DOCK5: variants seen among roughly 807,000 people sequenced by gnomAD.
DOCK5 encodes the protein dedicator of cytokinesis protein 5.
A neutral mutation model predicts 251.8 loss-of-function variants in DOCK5; 142 were observed. The ratio of observed to expected loss-of-function variants is 0.56; its 90% CI spans 0.49 to 0.65. The LOEUF (loss-of-function observed/expected upper bound fraction) is 0.65. DOCK5 is among the 30% of genes least tolerant of loss of function. The probability of loss-of-function intolerance (pLI) is 0.00; values close to 1 mark genes in which losing one functional copy is unlikely to be tolerated. For synonymous variants in DOCK5, 842 were observed against 835.5 expected (o/e 1.01, Z -0.13); for missense variants, 2,111 against 2,312.3 (o/e 0.91, Z 1.79).
intron 13 of DOCK5, among the ~76,000 whole-genome samples, chr8:25,311,141 G>A (rs1805082027): frequency 6.6e-6 from 1 of 152,192 alleles, no homozygotes; most frequent in Non-Finnish European, 1.5e-5. Flanking sequence ...GGAATTTGCT[G>A]ACTTCGCCCA....
chr8:25,270,804 G>C (rs1377129127), intron 3 of DOCK5: 1 of 713,126 alleles, frequency 1.4e-6, no homozygotes, highest in Non-Finnish European at 2.6e-6. Flanking sequence ...TTGGTTCCAG[G>C]ACCCCCACAA....
At chr8:25,401,292 T>C (rs1801434535) in intron 47 of DOCK5, among the ~76,000 whole-genome samples, 1 of 152,152 alleles carries the variant, frequency 6.6e-6, no homozygotes, top group Non-Finnish European at 1.5e-5. Flanking sequence ...CCAGAGCGCC[T>C]GTGAAAATAC....
intron 2 of DOCK5, among the ~76,000 whole-genome samples, chr8:25,252,833 T>C (rs1803307078): frequency 6.6e-6 from 1 of 152,178 alleles, no homozygotes; most frequent in South Asian, 2.1e-4. Flanking sequence ...TAAAATTCCA[T>C]CTTTATTTAT....
At chr8:25,287,477 G>A (rs1283206340) in intron 5 of DOCK5, among the ~76,000 whole-genome samples, 1 of 151,980 alleles carries the variant, frequency 6.6e-6, no homozygotes, top group East Asian at 1.9e-4. Context: ...GAGGCTTCAG[G>A]TATCTCCGTA....
At chr8:25,331,186 A>G (rs1274544266) in intron 18 of DOCK5, among the ~76,000 whole-genome samples, 1 of 151,878 alleles carries the variant, frequency 6.6e-6, no homozygotes, top group African/African-American at 2.4e-5. Flanking sequence ...GTACTAAACT[A>G]GGTGATAATA....
Position 25,310,485 on chromosome 8 carries a change from C to T in DOCK5, c.1271C>T (p.Ser424Leu), listed in dbSNP as rs1381191706. The T allele has an allele frequency of 6.2e-7, 1 of 1,613,688 alleles. No homozygotes were observed. Among genetic ancestry groups the T allele is most frequent in the East Asian group, 2.2e-5 (1 of 44,856 alleles). ...QKNFSHLVDR[S>L]TAIARKMGFP... ...AATTTTTCACACTTGGTTGATAGAT[C>T]AACAGCAATAGCCCGGAAGATGGGC... is the stretch of plus-strand genomic sequence containing the variant. The change falls in exon 13 of 52, where the codon TCA becomes TTA. Residue 424 changes from serine to leucine, a missense_variant. Physicochemically the swap from Ser to Leu is moderately radical, Grantham distance 145 (BLOSUM62 -2). Around this residue, in one of 3 missense-constraint regions of DOCK5, gnomAD observed 1,717 missense variants for 1,892.4 expected, o/e 0.91. Transcript: ENST00000276440.
intron 10 of DOCK5, among the ~76,000 whole-genome samples, chr8:25,303,348 G>A (rs756690565): frequency 6.6e-6 from 1 of 152,162 alleles, no homozygotes; most frequent in Non-Finnish European, 1.5e-5. Flanking sequence ...GTCTGGGTCT[G>A]CGTATTGATT....
At chr8:25,203,590 T>C (rs2117465471) in intron 1 of DOCK5, among the ~76,000 whole-genome samples, 1 of 152,308 alleles carries the variant, frequency 6.6e-6, no homozygotes, top group South Asian at 2.1e-4. Flanking sequence ...AATAGCTCAC[T>C]CCGTGAAGCA....
chr8:25,410,968 TGTGTGC>T (rs1326949527), intron 51 of DOCK5, among the ~76,000 whole-genome samples: 47 of 28,284 alleles, frequency 1.7e-3, no homozygotes, highest in African/African-American at 5.4e-3. Context: ...TGTGTGTGTG[TGTGTGC>T]GCGCGCGCGC....
intron 22 of DOCK5, 75 bp from the exon 23 acceptor site, chr8:25,340,802 G>A: frequency 8.6e-7 from 1 of 1,162,970 alleles, no homozygotes; most frequent in Non-Finnish European, 1.2e-6. Flanking sequence ...GGAGAAGTGA[G>A]GGAGGCAACA....
rs1483849103 is a variant in DOCK5 at position 25,342,476 on chromosome 8, G to C, written c.2586G>C (p.Lys862Asn). The change falls in exon 25 of 52, where the codon AAG (lysine) becomes AAC (asparagine). Residue 862 changes from lysine to asparagine, a missense_variant. By Grantham distance (94) the Lys-to-Asn change is moderately conservative. Transcript: ENST00000276440. Reference protein sequence around the residue: ...LVRQKLNCMTKIVESTLFRQS... With the variant: ...LVRQKLNCMTNIVESTLFRQS... Reference sequence around the variant, plus strand: ...GGCAGAAACTTAACTGCATGACCAAGATAGTAGAGAGCACTCTTTTTCGAC... The same window carrying C: ...GGCAGAAACTTAACTGCATGACCAACATAGTAGAGAGCACTCTTTTTCGAC... 1 of 1,596,966 alleles carries C rather than the reference G, an allele frequency of 6.3e-7. No homozygotes were observed.
chr8:25,197,906 A>T (rs1194250142), intron 1 of DOCK5, among the ~76,000 whole-genome samples: 1 of 151,908 alleles, frequency 6.6e-6, no homozygotes, highest in Non-Finnish European at 1.5e-5. Flanking sequence ...GCCCACCACC[A>T]TGCCCGGCTA....
Position 25,391,938 on chromosome 8 carries a change from G to A in DOCK5, c.4398G>A (p.Arg1466=). The A allele has an allele frequency of 6.2e-7, 1 of 1,613,880 alleles. No homozygotes were observed. The highest frequency in any genetic ancestry group is 1.1e-5 in the South Asian group (1 of 91,044). Residue 1466 remains arginine (R), a synonymous_variant, in exon 43 of 52, where the codon CGG becomes CGA. Coordinates refer to ENST00000276440, the MANE Select transcript of DOCK5 (RefSeq NM_024940.8). Reference sequence around the variant, plus strand: ...AAGTGCAGCAGTTCAGATACTCCCGGCCGTTCCGGAAAGGAGAAAAGGATC... The same window carrying A: ...AAGTGCAGCAGTTCAGATACTCCCGACCGTTCCGGAAAGGAGAAAAGGATC... The part of the protein sequence containing the change: ...ANEVQQFRYS[R]PFRKGEKDPD...
At chr8:25,275,487 A>T in intron 4 of DOCK5, 46 bp downstream of exon 4, 4 of 1,526,784 alleles carry the variant, frequency 2.6e-6, no homozygotes, top group Non-Finnish European at 3.6e-6. Context: ...TGAAGATGTA[A>T]CATTATCATT....
intron 29 of DOCK5, 113 bp from the exon 30 acceptor site, chr8:25,364,513 G>A: frequency 1.4e-6 from 1 of 697,156 alleles, no homozygotes; most frequent in Non-Finnish European, 2.5e-6. Flanking sequence ...GTTAGATTAT[G>A]AGGTCTTATG....
chr8:25,238,780 A>G (rs1461103496), intron 1 of DOCK5, among the ~76,000 whole-genome samples: 1 of 152,214 alleles, frequency 6.6e-6, no homozygotes, highest in Non-Finnish European at 1.5e-5. Context: ...TGGATTTTAT[A>G]GAAGAGATAA....
At position 25,414,307 on chromosome 8, in the gene DOCK5, G is replaced by A. The variant is rs1801676278; in HGVS notation, c.*3009G>A. 6.6e-6 allele frequency: 1 copy of A among 152,174 alleles called. No individual in the cohort carries two copies. Among genetic ancestry groups the A allele is most frequent in the Non-Finnish European group, 1.5e-5 (1 of 68,064 alleles). The allele number at this position is 152,174 out of a possible 1,614,324, so 9.4% of individuals were successfully genotyped here. A position where few individuals can be genotyped will look rare whatever the true frequency, so the allele number is the denominator to read the frequency against. ...AGACAGTTCACTCTGGTGTGCTGTA[G>A]GATTGGAAAGGGAGTGGTACCAGAT... On this transcript the variant is annotated 3_prime_UTR_variant, in exon 52 of 52. Transcript: ENST00000276440.
intron 5 of DOCK5, among the ~76,000 whole-genome samples, chr8:25,287,886 C>CTTT (rs397892746): frequency 7.2e-6 from 1 of 138,838 alleles, no homozygotes; most frequent in Non-Finnish European, 1.6e-5. Context: ...AGCATATGCT[C>CTTT]TTTTTTTTTT....
intron 47 of DOCK5, among the ~76,000 whole-genome samples, chr8:25,402,810 CT>C (rs1801461140): frequency 6.6e-6 from 1 of 152,154 alleles, no homozygotes; most frequent in South Asian, 2.1e-4. Flanking sequence ...CTCTGAGTTT[CT>C]TTTCATGCTC....
Sources: allele counts gnomAD v4.1 joint callset (sites outside exome capture counted in the v4.1 genomes callset), GRCh38; gene constraint gnomAD v4.1.1; regional missense constraint gnomAD v4.1.1; transcripts MANE v1.5; gene names NCBI Gene and HGNC (gene_info 2026-07-23, HGNC 2026-07-21).